FAM171B: variants seen among roughly 807,000 people sequenced by gnomAD.
The protein encoded by FAM171B is protein FAM171B.
In FAM171B, 19 loss-of-function variants were observed where a neutral mutation model predicts 75.6. That is an observed-to-expected ratio of 0.25 (90% CI 0.18 to 0.37). The LOEUF (loss-of-function observed/expected upper bound fraction) is 0.37. FAM171B is among the 10% of genes least tolerant of loss of function. The probability of loss-of-function intolerance (pLI) is 1.00; values close to 1 mark genes in which losing one functional copy is unlikely to be tolerated. For synonymous variants in FAM171B, 367 were observed against 361.7 expected (o/e 1.01, Z -0.17); for missense variants, 848 against 982.4 (o/e 0.86, Z 1.83).
intron 1 of FAM171B, among the ~76,000 whole-genome samples, chr2:186,710,195 G>A (rs543301266): frequency 1.3e-5 from 2 of 152,272 alleles, no homozygotes; most frequent in Non-Finnish European, 2.9e-5. Flanking sequence ...CACTGAGACA[G>A]GTGGCTTAAG....
chr2:186,742,345 T>C (rs1019317884), intron 2 of FAM171B, among the ~76,000 whole-genome samples: 9 of 152,176 alleles, frequency 5.9e-5, no homozygotes, highest in African/African-American at 2.2e-4. Flanking sequence ...AATAATGCCT[T>C]ACTTATAATC....
intron 4 of FAM171B, among the ~76,000 whole-genome samples, chr2:186,749,633 A>G (rs1205027173): frequency 6.6e-6 from 1 of 152,148 alleles, no homozygotes; most frequent in Non-Finnish European, 1.5e-5. Context: ...GCCATTCCAG[A>G]TGATAAGCAG....
At chr2:186,729,415 C>A (rs770370835) in intron 1 of FAM171B, among the ~76,000 whole-genome samples, 8 of 151,592 alleles carry the variant, frequency 5.3e-5, no homozygotes, top group Non-Finnish European at 1.0e-4. Context: ...TGGAATCTGC[C>A]CTGTCTAAAT....
At chr2:186,738,643 A>G (rs1574107662) in intron 1 of FAM171B, among the ~76,000 whole-genome samples, 1 of 152,264 alleles carries the variant, frequency 6.6e-6, no homozygotes, top group Middle Eastern at 3.4e-3. Flanking sequence ...CTTTGGCTTG[A>G]AGGTTGGCAC....
intron 6 of FAM171B, among the ~76,000 whole-genome samples, chr2:186,757,550 A>C (rs937079700): frequency 4.6e-5 from 7 of 152,104 alleles, no homozygotes; most frequent in Admixed American, 2.0e-4. Flanking sequence ...TTTGTTTTTT[A>C]AAGTTTAAAT....
At chr2:186,740,569 A>C in intron 2 of FAM171B, 108 bp downstream of exon 2, 1 of 908,630 alleles carries the variant, frequency 1.1e-6, no homozygotes, top group Non-Finnish European at 1.7e-6. Flanking sequence ...GAAAATGCTT[A>C]AGTCAACATA....
At chr2:186,737,203 A>G (rs148806635) in intron 1 of FAM171B, among the ~76,000 whole-genome samples, 193 of 152,378 alleles carry the variant, frequency 1.3e-3, no homozygotes, top group African/African-American at 4.3e-3. Flanking sequence ...CATCTTTCAC[A>G]GAGATGTGAT....
At chr2:186,709,023 C>A (rs1005762763) in intron 1 of FAM171B, among the ~76,000 whole-genome samples, 1 of 152,082 alleles carries the variant, frequency 6.6e-6, no homozygotes, top group African/African-American at 2.4e-5. Context: ...TCTGAGGAGG[C>A]CTCAGGGAGC....
intron 1 of FAM171B, among the ~76,000 whole-genome samples, chr2:186,719,324 G>A (rs62173041): frequency 0.29 from 43,664 of 152,030 alleles, 7,647 homozygotes; most frequent in East Asian, 0.73. Flanking sequence ...CATACTTTGC[G>A]CATTGATAGA....
In FAM171B at chr2:186,763,041, C is replaced by G. The variant is rs77293466; in HGVS notation, c.*218C>G. 822 of 518,958 alleles carry G rather than the reference C, an allele frequency of 1.6e-3. 3 individuals are homozygous for G. The highest frequency in any genetic ancestry group is 0.014 in the African/African-American group (748 of 51,618). The allele number at this position is 518,958 out of a possible 1,614,324, so 32.1% of individuals were successfully genotyped here. Reference sequence around the variant, plus strand: ...TTTTTGGGTGATGAATTTACAGTATCTAAGTTTTCAAAATGTAAAATAGCT... The same window carrying G: ...TTTTTGGGTGATGAATTTACAGTATGTAAGTTTTCAAAATGTAAAATAGCT... On this transcript the variant is annotated 3_prime_UTR_variant, in exon 8 of 8. Transcript: ENST00000304698.
rs537055234 is a variant in FAM171B at position 186,759,649 on chromosome 2, GTTCTA to G, written c.1013-1460_1013-1456del. ...ATTTGTTTGTCTTTTTTTGAGAAAT[GTTCTA>G]TTCAAGTCTTTTGCTCATTTTTTAA... On this transcript the variant is annotated intron_variant, in intron 6 of 7. Coordinates refer to ENST00000304698, the MANE Select transcript of FAM171B (RefSeq NM_177454.4). Among the ~76,000 whole-genome samples, 34 of 152,064 alleles carry G rather than the reference GTTCTA, an allele frequency of 2.2e-4. No individual in the cohort carries two copies. In the East Asian group the frequency reaches 6.2e-3, roughly 28 times the overall value.
chr2:186,747,001 A>T, intron 3 of FAM171B, 91 bp from the exon 4 acceptor site: 2 of 896,342 alleles, frequency 2.2e-6, no homozygotes, highest in African/African-American at 3.4e-5. Flanking sequence ...CAATAATTAT[A>T]ATTGCTTCTT....
intron 1 of FAM171B, among the ~76,000 whole-genome samples, chr2:186,729,950 TTTTTG>T (rs2105782020): frequency 6.6e-6 from 1 of 151,680 alleles, no homozygotes; most frequent in East Asian, 1.9e-4. Context: ...CGTTTTTTGT[TTTTTG>T]TTTTGTCTTG....
chr2:186,736,567 G>GTGTGTGTGTGTGT, intron 1 of FAM171B, among the ~76,000 whole-genome samples: 1 of 104,590 alleles, frequency 9.6e-6, no homozygotes, highest in Non-Finnish European at 2.0e-5. Flanking sequence ...TGTGTGTGTG[G>GTGTGTGTGTGTGT]GAGAGAGAGA....
At chr2:186,708,685 A>G (rs1442887093) in intron 1 of FAM171B, among the ~76,000 whole-genome samples, 1 of 152,210 alleles carries the variant, frequency 6.6e-6, no homozygotes, top group African/African-American at 2.4e-5. Flanking sequence ...CTGTGGCAAT[A>G]ATAAAGTGGC....
At chr2:186,742,478 G>A (rs1690302461) in intron 2 of FAM171B, among the ~76,000 whole-genome samples, 1 of 152,048 alleles carries the variant, frequency 6.6e-6, no homozygotes, top group African/African-American at 2.4e-5. Flanking sequence ...TCCTATGGAA[G>A]GAGAAAAGTA....
At chr2:186,712,182 A>C (rs900377466) in intron 1 of FAM171B, among the ~76,000 whole-genome samples, 1 of 152,180 alleles carries the variant, frequency 6.6e-6, no homozygotes, top group Non-Finnish European at 1.5e-5. Context: ...AATGTTCAGG[A>C]TAATTTAAAC....
intron 4 of FAM171B, 88 bp downstream of exon 4, chr2:186,747,338 TA>T: frequency 7.7e-5 from 65 of 840,716 alleles, no homozygotes; most frequent in Middle Eastern, 3.7e-4. Context: ...TAATAGCTTA[TA>T]ATATATAAGC....
At position 186,753,925 on chromosome 2, in the gene FAM171B, CT is replaced by C; in HGVS notation, c.896-3del. ...ACTGTAACAAGTATTTTTTACATACCTTTTTAGGTGCTTGGGTAAATCATGG... is the reference window on the plus strand; with the variant it reads ...ACTGTAACAAGTATTTTTTACATACCTTTTAGGTGCTTGGGTAAATCATGG... On this transcript the variant is annotated splice_region_variant and splice_polypyrimidine_tract_variant and intron_variant, in intron 5 of 7. Coordinates refer to ENST00000304698, the MANE Select transcript of FAM171B (RefSeq NM_177454.4). 6.2e-7 allele frequency: 1 copy of C among 1,609,642 alleles called. No individual in the cohort carries two copies. Among genetic ancestry groups the C allele is most frequent in the Non-Finnish European group, 8.5e-7 (1 of 1,176,520 alleles).
Sources: gnomAD v4.1 joint callset for allele counts (sites outside exome capture counted in the v4.1 genomes callset) on GRCh38, gnomAD v4.1.1 for gene constraint, MANE v1.5 for transcripts, NCBI Gene and HGNC (gene_info 2026-07-23, HGNC 2026-07-21) for gene names.